The following CNTN4 variants were observed in gnomAD, a reference collection of about 807,000 sequenced individuals.
CNTN4 encodes contactin-4.
A neutral mutation model predicts 122.5 loss-of-function variants in CNTN4; 77 were observed. The observed-to-expected ratio is 0.63, with a 90% CI of 0.52 to 0.76. CNTN4 has a LOEUF of 0.76. Among genes scored for constraint, CNTN4 ranks in the 30% least tolerant of loss-of-function variants. The probability of loss-of-function intolerance (pLI) is 0.00; values close to 1 mark genes in which losing one functional copy is unlikely to be tolerated. For synonymous variants in CNTN4, 512 were observed against 447.0 expected (o/e 1.15, Z -1.83); for missense variants, 1,256 against 1,259.1 (o/e 1.00, Z 0.04).
At chr3:2,286,734 TTACTC>T (rs1413961398) in intron 2 of CNTN4, among the ~76,000 whole-genome samples, 1 of 152,158 alleles carries the variant, frequency 6.6e-6, no homozygotes, top group African/African-American at 2.4e-5. Flanking sequence ...TATGTTTAGT[TTACTC>T]TGGGCACCAT....
chr3:2,692,646 C>T (rs2085804005), intron 4 of CNTN4, among the ~76,000 whole-genome samples: 5 of 151,926 alleles, frequency 3.3e-5, no homozygotes, highest in African/African-American at 4.8e-5. Context: ...TATTTTTTGT[C>T]GCACACACAC....
chr3:2,310,468 C>T (rs2042873083), intron 2 of CNTN4, among the ~76,000 whole-genome samples: 1 of 152,114 alleles, frequency 6.6e-6, no homozygotes, highest in South Asian at 2.1e-4. Context: ...AAAGTGATGT[C>T]CTCTATGATT....
intron 2 of CNTN4, among the ~76,000 whole-genome samples, chr3:2,246,352 A>C (rs1345229836): frequency 6.6e-6 from 1 of 152,044 alleles, no homozygotes; most frequent in East Asian, 1.9e-4. Context: ...TAATAAGGAA[A>C]GCATTTTTAA....
Position 2,497,699 on chromosome 3 carries a change from C to T in CNTN4, c.-88-73717C>T, listed in dbSNP as rs148646023. On this transcript the variant is annotated intron_variant, in intron 3 of 24. Transcript: ENST00000418658. Reference sequence around the variant, plus strand: ...TGTCATTTTCCTGTTCTTGCCTACCCGATTGAATACTAAAGAGCTAAAATT... The same window carrying T: ...TGTCATTTTCCTGTTCTTGCCTACCTGATTGAATACTAAAGAGCTAAAATT... Among the ~76,000 whole-genome samples the T allele has an allele frequency of 2.1e-3, 321 of 152,232 alleles. 2 individuals are homozygous for T. Among genetic ancestry groups the T allele is most frequent in the African/African-American group, 7.3e-3 (302 of 41,536 alleles).
chr3:2,213,751 T>C (rs2038720117), intron 2 of CNTN4, among the ~76,000 whole-genome samples: 1 of 152,198 alleles, frequency 6.6e-6, no homozygotes, highest in Admixed American at 6.5e-5. Context: ...CTTGGTGAAA[T>C]GAGATAGAGC....
chr3:2,481,300 C>T (rs1223006195), intron 3 of CNTN4, among the ~76,000 whole-genome samples: 1 of 151,948 alleles, frequency 6.6e-6, no homozygotes. Context: ...GCCACCATGT[C>T]CAGCTAATTT....
chr3:3,003,512 AT>A (rs1346774104), intron 14 of CNTN4, among the ~76,000 whole-genome samples: 10 of 152,080 alleles, frequency 6.6e-5, no homozygotes, highest in Non-Finnish European at 1.3e-4. Flanking sequence ...ATACTATATG[AT>A]TCCATTTCTA....
At chr3:2,139,895 G>C (rs1480576098) in intron 2 of CNTN4, among the ~76,000 whole-genome samples, 1 of 152,226 alleles carries the variant, frequency 6.6e-6, no homozygotes, top group Non-Finnish European at 1.5e-5. Flanking sequence ...CGGTTTGTCT[G>C]TGTACCCACC....
chr3:2,882,692 C>A (rs2093926628), intron 8 of CNTN4: 2 of 164,980 alleles, frequency 1.2e-5, no homozygotes, highest in South Asian at 3.1e-4. Flanking sequence ...AAAGTTGTGG[C>A]CACAGAATGA....
At chr3:2,752,608 C>A (rs2090149151) in intron 6 of CNTN4, among the ~76,000 whole-genome samples, 1 of 152,172 alleles carries the variant, frequency 6.6e-6, no homozygotes, top group South Asian at 2.1e-4. Flanking sequence ...ATCTCGGCCT[C>A]CCAAAGTGCT....
chr3:2,389,120 C>T (rs1370966125), intron 3 of CNTN4, among the ~76,000 whole-genome samples: 1 of 151,944 alleles, frequency 6.6e-6, no homozygotes, highest in Non-Finnish European at 1.5e-5. Context: ...GAGATCGCAC[C>T]ACTGCACTCC....
intron 6 of CNTN4, among the ~76,000 whole-genome samples, chr3:2,787,245 G>A (rs1044197325): frequency 2.6e-5 from 4 of 152,000 alleles, no homozygotes; most frequent in African/African-American, 4.8e-5. Flanking sequence ...TCGTGGTGGC[G>A]GGCGCCTGTA....
At chr3:2,432,884 C>T (rs886798655) in intron 3 of CNTN4, among the ~76,000 whole-genome samples, 29 of 150,966 alleles carry the variant, frequency 1.9e-4, no homozygotes, top group African/African-American at 6.3e-4. Flanking sequence ...TCTTGGTTCA[C>T]TGCAGCATCC....
At chr3:2,543,727 C>T (rs1215780098) in intron 3 of CNTN4, among the ~76,000 whole-genome samples, 2 of 152,084 alleles carry the variant, frequency 1.3e-5, no homozygotes, top group African/African-American at 4.8e-5. Flanking sequence ...GCTGTGTTCA[C>T]AAATGGTCCA....
chr3:3,042,223 G>A, intron 20 of CNTN4, 87 bp from the exon 21 acceptor site: 1 of 986,156 alleles, frequency 1.0e-6, no homozygotes, highest in Non-Finnish European at 1.6e-6. Flanking sequence ...CTATAACCAT[G>A]AATTATTTTA....
At chr3:3,055,365 C>G (rs563882980) in intron 24 of CNTN4, among the ~76,000 whole-genome samples, 42 of 152,224 alleles carry the variant, frequency 2.8e-4, no homozygotes, top group African/African-American at 9.6e-4. Context: ...TTATTCATTA[C>G]AAAAACATAT....
In CNTN4 at chr3:3,037,213, G is replaced by A. The variant is rs547454769; in HGVS notation, c.1977G>A (p.Ala659=). 16 of 1,614,152 alleles carry A rather than the reference G, an allele frequency of 9.9e-6. No homozygotes were observed. The highest frequency in any genetic ancestry group is 8.3e-5 in the Admixed American group (5 of 60,026). ...TCATTGATGGGAAGACATTCACAGCGACCGTGGTGGGTTTGAACCCTTGGG... is the reference window on the plus strand; with the variant it reads ...TCATTGATGGGAAGACATTCACAGCAACCGTGGTGGGTTTGAACCCTTGGG... The part of the protein sequence containing the change: ...PELIDGKTFT[A]TVVGLNPWVE... The change falls in exon 18 of 25, where the codon GCG becomes GCA. Residue 659 remains alanine, a synonymous_variant. Transcript: ENST00000418658.
intron 23 of CNTN4, among the ~76,000 whole-genome samples, chr3:3,049,686 G>C (rs1701054246): frequency 6.6e-6 from 1 of 152,168 alleles, no homozygotes; most frequent in Non-Finnish European, 1.5e-5. Flanking sequence ...TTATAGAAAG[G>C]CCAAGGAAAG....
At chr3:2,543,869 G>A (rs181653473) in intron 3 of CNTN4, among the ~76,000 whole-genome samples, 219 of 152,150 alleles carry the variant, frequency 1.4e-3, no homozygotes, top group Middle Eastern at 3.4e-3. Flanking sequence ...ATATTACCTG[G>A]TTGATTTCCA....
Sources: gnomAD v4.1 joint callset for allele counts (sites outside exome capture counted in the v4.1 genomes callset) on GRCh38, gnomAD v4.1.1 for gene constraint, MANE v1.5 for transcripts, NCBI Gene and HGNC (gene_info 2026-07-23, HGNC 2026-07-21) for gene names.